The following PRKAR1A variants were observed in gnomAD, a reference collection of about 807,000 sequenced individuals.
PRKAR1A encodes the protein cAMP-dependent protein kinase type I-alpha regulatory subunit.
A neutral mutation model predicts 52.0 loss-of-function variants in PRKAR1A; 3 were observed. The observed-to-expected ratio is 0.06, with a 90% CI of 0.03 to 0.15. PRKAR1A has a LOEUF of 0.15. Ranked by LOEUF, PRKAR1A falls within the 10% of genes least tolerant of loss-of-function variation. The pLI is 1.00. For synonymous variants in PRKAR1A, 188 were observed against 168.4 expected, an observed-to-expected ratio of 1.12 and a Z score of -0.90; for missense variants, 240 against 477.4, an observed-to-expected ratio of 0.50 and a Z score of 4.63.
chr17:68,466,409 CTTTTT>C, the PRKAR1A span, among the ~76,000 whole-genome samples: 8 of 118,356 alleles, frequency 6.8e-5, no homozygotes, highest in African/African-American at 2.1e-4. Context: ...TTTTCTCTCT[CTTTTT>C]TTTTTTTTTT....
At chr17:68,442,538 C>T in the PRKAR1A span, among the ~76,000 whole-genome samples, 5 of 151,964 alleles carry the variant, frequency 3.3e-5, no homozygotes, top group Admixed American at 3.3e-4. Flanking sequence ...ACCCTGTCCT[C>T]TGGGGGTCAA....
intron 11 of PRKAR1A, chr17:68,541,348 T>C: frequency 4.0e-6 from 1 of 251,112 alleles, no homozygotes; most frequent in African/African-American, 2.2e-5. Flanking sequence ...CCTTTCTCTC[T>C]CACACATGGT....
At chr17:68,471,196 A>G in the PRKAR1A span, among the ~76,000 whole-genome samples, 2 of 152,214 alleles carry the variant, frequency 1.3e-5, no homozygotes, top group African/African-American at 4.8e-5. Context: ...ATTAATTGCG[A>G]CACACTTGTG....
In PRKAR1A at chr17:68,515,507, G is replaced by T. The variant is rs1555811725; in HGVS notation, c.108G>T (p.Val36=). The T allele has an allele frequency of 6.2e-7, 1 of 1,613,204 alleles. No individual in the cohort carries two copies. The highest frequency in any genetic ancestry group is 8.5e-7 in the Non-Finnish European group (1 of 1,180,044). The change falls in exon 2 of 11, where the codon GTG becomes GTT. Residue 36 remains valine (V), a synonymous_variant. Coordinates refer to ENST00000589228, the MANE Select transcript of PRKAR1A (RefSeq NM_002734.5). ...NIQALLKDSI[V]QLCTARPERP... ...AAGCGCTGCTCAAAGATTCTATTGT[G>T]CAGTTGTGCACTGCTCGACCTGAGA...
At chr17:68,516,661 A>G (rs1426800473) in intron 2 of PRKAR1A, among the ~76,000 whole-genome samples, 4 of 152,084 alleles carry the variant, frequency 2.6e-5, no homozygotes, top group African/African-American at 9.7e-5. Context: ...CTCATTGATC[A>G]GGTATTTTCT....
the PRKAR1A span, among the ~76,000 whole-genome samples, chr17:68,465,074 C>T: frequency 3.1e-5 from 4 of 129,996 alleles, no homozygotes; most frequent in African/African-American, 5.6e-5. Flanking sequence ...TACAGGCGCC[C>T]GCCACCACGC....
chr17:68,493,240 G>A, the PRKAR1A span, among the ~76,000 whole-genome samples: 2 of 152,004 alleles, frequency 1.3e-5, no homozygotes, highest in African/African-American at 4.8e-5. Context: ...CATGGCACAC[G>A]TTTACCTATG....
chr17:68,426,016 G>A, the PRKAR1A span: 23 of 1,392,016 alleles, frequency 1.7e-5, no homozygotes, highest in South Asian at 6.9e-5. Flanking sequence ...CGTATGAGGC[G>A]AAGGTTTCCT....
chr17:68,437,948 T>TAAAAAAAAAAAAAAAA, the PRKAR1A span, among the ~76,000 whole-genome samples: 12 of 78,798 alleles, frequency 1.5e-4, no homozygotes, highest in African/African-American at 5.7e-4. Flanking sequence ...ACATCTCTCT[T>TAAAAAAAAAAAAAAAA]AAAAAAAAAA....
the PRKAR1A span, chr17:68,428,780 T>C: frequency 4.8e-6 from 7 of 1,456,804 alleles, no homozygotes; most frequent in South Asian, 6.9e-5. Context: ...GGGACAACTC[T>C]ACACGACCAG....
chr17:68,548,725 ATTTTTTTTTTTTTTT>A (rs753348891), intron 11 of PRKAR1A, among the ~76,000 whole-genome samples: 6 of 79,180 alleles, frequency 7.6e-5, no homozygotes, highest in Non-Finnish European at 9.0e-5. Flanking sequence ...ATGCCTGTAT[ATTTTTTTTTTTTTTT>A]TTTTTTTTTT....
rs2085998538 is a variant in PRKAR1A at position 68,532,316 on chromosome 17, T to TTCATGTATGTATATAATCATGC, written c.*1876_*1897dup. 3.8e-6 allele frequency: 4 copies of TTCATGTATGTATATAATCATGC among 1,054,322 alleles called. No individual in the cohort carries two copies. In the South Asian group the frequency reaches 1.8e-4, roughly 49 times the overall value. 65.3% of individuals were successfully genotyped at this position (1,054,322 alleles called of 1,614,324 possible). On this transcript the variant is annotated 3_prime_UTR_variant, in exon 11 of 11. Coordinates refer to ENST00000589228, the MANE Select transcript of PRKAR1A (RefSeq NM_002734.5). ...ACTTAGAATGCCATAAAATTGCAGT[T>TTCATGTATGTATATAATCATGC]TCATGTATGTATATAATCATGCTCA...
rs776045747 is a variant in PRKAR1A at position 68,531,231 on chromosome 17, C to G, written c.*782C>G. 1.9e-6 allele frequency: 2 copies of G among 1,066,260 alleles called. No individual in the cohort carries two copies. The highest frequency in any genetic ancestry group is 1.1e-6 in the Non-Finnish European group (1 of 879,692). 66.0% of individuals were successfully genotyped at this position (1,066,260 alleles called of 1,614,324 possible). A position where few individuals can be genotyped will look rare whatever the true frequency, so the allele number is the denominator to read the frequency against. ...CTCGGCTCACAAATTCCGATTAGAC[C>G]TTTATCCAGCTAGTGCCAAATAATT... On this transcript the variant is annotated 3_prime_UTR_variant, in exon 11 of 11. Coordinates refer to ENST00000589228, the MANE Select transcript of PRKAR1A (RefSeq NM_002734.5).
the PRKAR1A span, among the ~76,000 whole-genome samples, chr17:68,434,096 C>T: frequency 6.6e-6 from 1 of 152,040 alleles, no homozygotes; most frequent in Non-Finnish European, 1.5e-5. Context: ...TGAGAAGAAA[C>T]AAGGTATAGC....
chr17:68,526,417 T>G (rs924534064), intron 7 of PRKAR1A, among the ~76,000 whole-genome samples: 2 of 152,346 alleles, frequency 1.3e-5, no homozygotes, highest in Non-Finnish European at 2.9e-5. Context: ...TCAGATTTTT[T>G]GAGAACGTTG....
chr17:68,426,253 G>GGC, the PRKAR1A span: 3 of 840,900 alleles, frequency 3.6e-6, no homozygotes, highest in Admixed American at 2.3e-5. Context: ...GGGGAGCGGG[G>GGC]GCTCAAATAA....
At chr17:68,496,818 C>CTTTTTTTTTTTTTTTTTTTTT in the PRKAR1A span, among the ~76,000 whole-genome samples, 2 of 91,240 alleles carry the variant, frequency 2.2e-5, no homozygotes, top group African/African-American at 4.1e-5. Flanking sequence ...TTAGTTTTTA[C>CTTTTTTTTTTTTTTTTTTTTT]TTTTTTTTTT....
the PRKAR1A span, among the ~76,000 whole-genome samples, chr17:68,478,852 C>T: frequency 7.7e-3 from 1,170 of 152,110 alleles, 14 homozygotes; most frequent in African/African-American, 0.027. Context: ...CTCAGCCTCC[C>T]GAGTAGCTGG....
the PRKAR1A span, among the ~76,000 whole-genome samples, chr17:68,447,485 G>A: frequency 6.6e-6 from 1 of 152,172 alleles, no homozygotes; most frequent in South Asian, 2.1e-4. Flanking sequence ...GGGCTTAAAC[G>A]ATCCTCCTGC....
Sources: allele counts gnomAD v4.1 joint callset (sites outside exome capture counted in the v4.1 genomes callset), GRCh38; gene constraint gnomAD v4.1.1; transcripts MANE v1.5; gene names NCBI Gene and HGNC (gene_info 2026-07-23, HGNC 2026-07-21).